The following WDR70 variants were observed in gnomAD, a reference collection of about 807,000 sequenced individuals.
WDR70 encodes the protein WD repeat-containing protein 70.
A neutral mutation model predicts 88.6 loss-of-function variants in WDR70; 53 were observed. The ratio of observed to expected loss-of-function variants is 0.60; its 90% CI spans 0.48 to 0.75. WDR70 has a LOEUF of 0.75. Ranked by LOEUF, WDR70 falls within the 30% of genes least tolerant of loss-of-function variation. The pLI is 0.00. For missense variants in WDR70, 610 were observed against 823.2 expected, an observed-to-expected ratio of 0.74 and a Z score of 3.17; for synonymous variants, 280 against 270.0, an observed-to-expected ratio of 1.04 and a Z score of -0.36.
chr5:37,557,959 T>TTTGAAAACTCTTCAAA, intron 9 of WDR70, among the ~76,000 whole-genome samples: 459 of 146,164 alleles, frequency 3.1e-3, no homozygotes, highest in Middle Eastern at 3.6e-3. Context: ...AAAAGAGTAT[T>TTTGAAAACTCTTCAAA]ATGTATATTT....
intron 7 of WDR70, among the ~76,000 whole-genome samples, chr5:37,445,540 A>T (rs551857175): frequency 6.6e-6 from 1 of 152,330 alleles, no homozygotes; most frequent in African/African-American, 2.4e-5. Flanking sequence ...AAAATCCTCA[A>T]TAAAATACTG....
intron 10 of WDR70, among the ~76,000 whole-genome samples, chr5:37,676,961 G>A (rs1746244647): frequency 1.3e-5 from 2 of 152,166 alleles, no homozygotes; most frequent in South Asian, 4.1e-4. Flanking sequence ...GTTTAGTCTT[G>A]GGAGGGTGTA....
chr5:37,551,999 T>C (rs1742162800), intron 9 of WDR70, among the ~76,000 whole-genome samples: 2 of 152,056 alleles, frequency 1.3e-5, no homozygotes, highest in African/African-American at 4.8e-5. Flanking sequence ...TTCGAACTCC[T>C]GACCTCAGGC....
intron 9 of WDR70, among the ~76,000 whole-genome samples, chr5:37,577,624 T>C (rs1055702338): frequency 6.6e-6 from 1 of 152,148 alleles, no homozygotes; most frequent in Non-Finnish European, 1.5e-5. Flanking sequence ...AAAATTATAT[T>C]CTAGACAGAA....
intron 9 of WDR70, among the ~76,000 whole-genome samples, chr5:37,600,296 T>C (rs1169071152): frequency 1.3e-5 from 2 of 152,080 alleles, no homozygotes; most frequent in Non-Finnish European, 2.9e-5. Flanking sequence ...GGGAGGCTGA[T>C]GCGGGTGGAT....
chr5:37,394,439 A>G (rs891191055), intron 4 of WDR70, among the ~76,000 whole-genome samples: 2 of 152,210 alleles, frequency 1.3e-5, no homozygotes, highest in African/African-American at 4.8e-5. Flanking sequence ...TGGATTACAC[A>G]GTGTTTTAGG....
chr5:37,504,253 T>C (rs1406206539), intron 8 of WDR70, among the ~76,000 whole-genome samples: 1 of 152,112 alleles, frequency 6.6e-6, no homozygotes, highest in Non-Finnish European at 1.5e-5. Context: ...GATATTTGAG[T>C]GAGTTTATTT....
intron 10 of WDR70, among the ~76,000 whole-genome samples, chr5:37,669,183 A>T (rs1471864335): frequency 6.6e-6 from 1 of 152,200 alleles, no homozygotes; most frequent in Non-Finnish European, 1.5e-5. Flanking sequence ...TGTTGTGTGT[A>T]TAACAGGTTC....
At chr5:37,675,873 A>C (rs1258914422) in intron 10 of WDR70, among the ~76,000 whole-genome samples, 1 of 152,080 alleles carries the variant, frequency 6.6e-6, no homozygotes, top group Non-Finnish European at 1.5e-5. Flanking sequence ...TGAGCATGGA[A>C]TGTTCTTCCA....
In WDR70 at chr5:37,659,231, A is replaced by G. The variant is rs572131765; in HGVS notation, c.1093-38424A>G. 1.9e-3 allele frequency among the ~76,000 whole-genome samples: 286 copies of G among 152,354 alleles called. 1 individual carries two copies. The highest frequency in any genetic ancestry group is 6.3e-3 in the African/African-American group (264 of 41,590). ...TACTTCTACAGTCAGAAAATAGATT[A>G]ATACTTCCTAGCAACATACTGCAAT... On this transcript the variant is annotated intron_variant, in intron 10 of 17. Coordinates refer to ENST00000265107, the MANE Select transcript of WDR70 (RefSeq NM_018034.4).
intron 9 of WDR70, among the ~76,000 whole-genome samples, chr5:37,568,538 T>A (rs1742811903): frequency 6.6e-6 from 1 of 152,208 alleles, no homozygotes; most frequent in Admixed American, 6.5e-5. Flanking sequence ...AATAAAGTTA[T>A]TTATCAAGTG....
chr5:37,434,251 C>T (rs1164370043), intron 5 of WDR70, among the ~76,000 whole-genome samples: 1 of 152,134 alleles, frequency 6.6e-6, no homozygotes, highest in Non-Finnish European at 1.5e-5. Flanking sequence ...GGGGAAACTG[C>T]CCCCATGATC....
intron 8 of WDR70, among the ~76,000 whole-genome samples, chr5:37,499,441 T>A (rs563913002): frequency 6.6e-6 from 1 of 152,058 alleles, no homozygotes; most frequent in African/African-American, 2.4e-5. Flanking sequence ...TATCTTTTTT[T>A]AATGAAGTGT....
chr5:37,560,305 A>T (rs997023898), intron 9 of WDR70, among the ~76,000 whole-genome samples: 1 of 146,436 alleles, frequency 6.8e-6, no homozygotes, highest in Non-Finnish European at 1.5e-5. Flanking sequence ...ACTTTCAATG[A>T]ATTGTTTTTT....
chr5:37,641,988 A>G (rs1421001114), intron 10 of WDR70, among the ~76,000 whole-genome samples: 1 of 152,220 alleles, frequency 6.6e-6, no homozygotes, highest in African/African-American at 2.4e-5. Flanking sequence ...GACTTTAACA[A>G]ATAATACAGG....
intron 10 of WDR70, among the ~76,000 whole-genome samples, chr5:37,681,445 G>T (rs1746433297): frequency 6.6e-6 from 1 of 152,088 alleles, no homozygotes. Flanking sequence ...GATTCCTCTG[G>T]CCAGGACTTC....
chr5:37,525,923 A>G (rs549626639), intron 9 of WDR70, among the ~76,000 whole-genome samples: 1 of 152,328 alleles, frequency 6.6e-6, no homozygotes, highest in East Asian at 1.9e-4. Context: ...CCCTCCCAAG[A>G]CTAAACCAGG....
chr5:37,455,538 T>C (rs4407651), intron 7 of WDR70, among the ~76,000 whole-genome samples: 10 of 151,352 alleles, frequency 6.6e-5, no homozygotes, highest in Non-Finnish European at 2.9e-5. Flanking sequence ...CATTGCGCCT[T>C]ATCCTGATTT....
chr5:37,600,974 A>C (rs1009721209), intron 9 of WDR70, among the ~76,000 whole-genome samples: 1 of 152,182 alleles, frequency 6.6e-6, no homozygotes, highest in African/African-American at 2.4e-5. Context: ...ATGTAAGATA[A>C]TGTTAACAAA....
Sources: gnomAD v4.1 joint callset for allele counts (sites outside exome capture counted in the v4.1 genomes callset) on GRCh38, gnomAD v4.1.1 for gene constraint, MANE v1.5 for transcripts, NCBI Gene and HGNC (gene_info 2026-07-23, HGNC 2026-07-21) for gene names.